The following PPP2R1B variants were observed in gnomAD, a reference collection of about 807,000 sequenced individuals.
PPP2R1B encodes serine/threonine-protein phosphatase 2A 65 kDa regulatory subunit A beta isoform.
In PPP2R1B, 58 loss-of-function variants were observed where a neutral mutation model predicts 72.7. That is an observed-to-expected ratio of 0.80 (90% CI 0.65 to 0.99). The LOEUF (loss-of-function observed/expected upper bound fraction) is 0.99, where lower values mean the gene tolerates loss of function less well. Ranked by LOEUF, PPP2R1B falls within the 50% of genes least tolerant of loss-of-function variation. The pLI is 0.00. For synonymous variants in PPP2R1B, 256 were observed against 264.6 expected (o/e 0.97, Z 0.32); for missense variants, 695 against 733.6 (o/e 0.95, Z 0.61).
At chr11:111,723,619 G>A (rs1943869368), downstream of PPP2R1B, 4 of 1,613,792 alleles carry the variant, frequency 2.5e-6, no homozygotes, top group East Asian at 4.5e-5. Context: ...CCCGCCAGGA[G>A]ACTCCACCGC....
chr11:111,724,503 G>GT, downstream of PPP2R1B: 1 of 228,070 alleles, frequency 4.4e-6, no homozygotes, highest in East Asian at 1.0e-4. Context: ...GAAAGGGTGT[G>GT]TGCTATTGCA....
chr11:111,703,835 T>C, the PPP2R1B span, among the ~76,000 whole-genome samples: 1 of 152,166 alleles, frequency 6.6e-6, no homozygotes, highest in Non-Finnish European at 1.5e-5. Context: ...CCAGGGGATT[T>C]AGATTGTGAA....
At chr11:111,712,493 T>C in the PPP2R1B span, 1 of 1,085,762 alleles carries the variant, frequency 9.2e-7, no homozygotes, top group Non-Finnish European at 1.3e-6. Context: ...CACTCAGGAG[T>C]GATGCTTTTG....
At chr11:111,726,902 T>C (rs555841619), downstream of PPP2R1B, 1 of 1,537,346 alleles carries the variant, frequency 6.5e-7, no homozygotes, top group South Asian at 1.1e-5. Flanking sequence ...AAAATTTCGT[T>C]CGGCAAAAAG....
chr11:111,756,405 T>C (rs374727013), intron 5 of PPP2R1B, among the ~76,000 whole-genome samples: 41 of 152,006 alleles, frequency 2.7e-4, no homozygotes, highest in African/African-American at 9.2e-4. Context: ...AACATTTTAA[T>C]GATGCCTTCA....
At chr11:111,704,692 C>G in the PPP2R1B span, among the ~76,000 whole-genome samples, 4 of 152,074 alleles carry the variant, frequency 2.6e-5, no homozygotes, top group Non-Finnish European at 5.9e-5. Context: ...TGGGGAATGT[C>G]TACATGAGAC....
At chr11:111,713,691 G>A in the PPP2R1B span, among the ~76,000 whole-genome samples, 2 of 152,166 alleles carry the variant, frequency 1.3e-5, no homozygotes, top group South Asian at 2.1e-4. Context: ...AATATGGGCC[G>A]GGCATGGTGG....
chr11:111,706,915 C>G, the PPP2R1B span, among the ~76,000 whole-genome samples: 6 of 150,128 alleles, frequency 4.0e-5, no homozygotes, highest in Non-Finnish European at 7.4e-5. Flanking sequence ...AGCCGAGATC[C>G]CGCCACTGCA....
At chr11:111,712,465 T>A in the PPP2R1B span, 2 of 1,390,126 alleles carry the variant, frequency 1.4e-6, no homozygotes, top group African/African-American at 2.9e-5. Flanking sequence ...TTTATTGAAC[T>A]TTATCATTTC....
In PPP2R1B at chr11:111,739,805, CATAAG is replaced by C. The variant is rs2136036393; in HGVS notation, c.*1786_*1790del. The C allele has an allele frequency of 1.0e-6, 1 of 968,026 alleles. No individual in the cohort carries two copies. The highest frequency in any genetic ancestry group is 6.2e-5 in the Admixed American group (1 of 16,250). The allele number at this position is 968,026 out of a possible 1,614,324, so 60.0% of individuals were successfully genotyped here. A position where few individuals can be genotyped will look rare whatever the true frequency, so the allele number is the denominator to read the frequency against. On this transcript the variant is annotated 3_prime_UTR_variant, in exon 15 of 15. Coordinates refer to ENST00000527614, the MANE Select transcript of PPP2R1B (RefSeq NM_002716.5). ...AATTAAAATGTTTACAGAATAATAG[CATAAG>C]ATATTAAAATGAGAATATAGAAAAA...
intron 15 of PPP2R1B, chr11:111,730,656 T>C (rs1944159791): frequency 6.6e-6 from 1 of 152,074 alleles, no homozygotes; most frequent in African/African-American, 2.4e-5. Flanking sequence ...TGAGTGCAAA[T>C]CATAATAGCT....
intron 15 of PPP2R1B, chr11:111,728,679 AAC>A (rs1380379125): frequency 6.6e-6 from 1 of 152,244 alleles, no homozygotes; most frequent in Non-Finnish European, 1.5e-5. Context: ...CTGTAATCCC[AAC>A]ACTTTGGGAG....
At chr11:111,700,782 T>C in the PPP2R1B span, 1 of 1,376,520 alleles carries the variant, frequency 7.3e-7, no homozygotes, top group Non-Finnish European at 1.0e-6. Flanking sequence ...TCACAGTAAA[T>C]AGTAGTGATA....
intron 12 of PPP2R1B, among the ~76,000 whole-genome samples, chr11:111,742,882 T>C (rs1262442595): frequency 4.0e-5 from 6 of 151,668 alleles, no homozygotes; most frequent in African/African-American, 1.5e-4. Context: ...GTTTTGTTCT[T>C]TGTTTTTTTT....
At chr11:111,741,887 G>C in intron 14 of PPP2R1B, 166 bp downstream of exon 14, 1 of 771,374 alleles carries the variant, frequency 1.3e-6, no homozygotes, top group Non-Finnish European at 2.2e-6. Context: ...GAAAATGGTG[G>C]GCCAAGAGGG....
chr11:111,732,174 GTTCTGTTCC>G (rs1227667897), intron 15 of PPP2R1B, among the ~76,000 whole-genome samples: 1 of 152,232 alleles, frequency 6.6e-6, no homozygotes, highest in East Asian at 1.9e-4. Flanking sequence ...AGGGCCCAAG[GTTCTGTTCC>G]TGGCGAGCAG....
the PPP2R1B span, chr11:111,705,015 T>C: frequency 2.5e-6 from 4 of 1,608,350 alleles, no homozygotes; most frequent in Non-Finnish European, 3.4e-6. This position sits in a 1 kb window ranked among gnomAD's most constrained non-coding sequence, Gnocchi z 4.3. Flanking sequence ...TATAACCACT[T>C]TGCTGCCATT....
At chr11:111,750,514 G>A (rs1165720794) in intron 10 of PPP2R1B, among the ~76,000 whole-genome samples, 4 of 152,034 alleles carry the variant, frequency 2.6e-5, no homozygotes, top group South Asian at 2.1e-4. Flanking sequence ...AATTAATGAC[G>A]GGCACTATGG....
chr11:111,760,711 A>C, intron 4 of PPP2R1B, 108 bp downstream of exon 4: 1 of 951,312 alleles, frequency 1.1e-6, no homozygotes. Context: ...CTCATTGGTA[A>C]CAAGGTACTA....
Sources: gnomAD v4.1 joint callset for allele counts (sites outside exome capture counted in the v4.1 genomes callset) on GRCh38, gnomAD v4.1.1 for gene constraint, Gnocchi (gnomAD v3.1) non-coding constraint, MANE v1.5 for transcripts, NCBI Gene and HGNC (gene_info 2026-07-23, HGNC 2026-07-21) for gene names.